Variants in SOX5 observed in about 807,000 individuals in gnomAD.
SOX5 encodes transcription factor SOX-5.
SOX5 carries 9 observed loss-of-function variants against 92.0 expected under a neutral mutation model. The ratio of observed to expected loss-of-function variants is 0.10; its 90% CI spans 0.06 to 0.17. The LOEUF (loss-of-function observed/expected upper bound fraction) is 0.17. Ranked by LOEUF, SOX5 falls within the 10% of genes least tolerant of loss-of-function variation. The pLI, the probability that SOX5 is intolerant of heterozygous loss-of-function variation, is 1.00. For synonymous variants in SOX5, 344 were observed against 336.3 expected, an observed-to-expected ratio of 1.02 and a Z score of -0.25; for missense variants, 642 against 944.5, an observed-to-expected ratio of 0.68 and a Z score of 4.20.
At chr12:23,694,846 C>A (rs1317542360) in intron 6 of SOX5, among the ~76,000 whole-genome samples, 1 of 152,166 alleles carries the variant, frequency 6.6e-6, no homozygotes, top group Non-Finnish European at 1.5e-5. Flanking sequence ...ATACCAGGCA[C>A]AGTGGCTCAT....
At chr12:24,214,177 T>C (rs1308146335) in intron 3 of SOX5, among the ~76,000 whole-genome samples, 1 of 152,040 alleles carries the variant, frequency 6.6e-6, no homozygotes, top group Non-Finnish European at 1.5e-5. Flanking sequence ...GAAGAATAAA[T>C]ACTTCATAAA....
chr12:23,838,039 T>G (rs2096455095), intron 3 of SOX5, among the ~76,000 whole-genome samples: 1 of 116,552 alleles, frequency 8.6e-6, no homozygotes. Flanking sequence ...TTATATATTT[T>G]TATATAATAT....
Position 23,974,325 on chromosome 12 carries a change from A to G in SOX5, c.-1-78301T>C, listed in dbSNP as rs574622787. Among the ~76,000 whole-genome samples, 194 of 152,244 alleles carry G rather than the reference A, an allele frequency of 1.3e-3. 1 individual carries two copies. Among genetic ancestry groups the G allele is most frequent in the African/African-American group, 4.4e-3 (181 of 41,544 alleles). On this transcript the variant is annotated intron_variant, in intron 4 of 4. Transcript: ENST00000446891. Reference sequence around the variant, plus strand: ...GCTATTTTGAATAATGCTGAAATGAACATGGGAGTGTTGATATCTCTTTGA... The same window carrying G: ...GCTATTTTGAATAATGCTGAAATGAGCATGGGAGTGTTGATATCTCTTTGA...
chr12:24,542,786 T>A (rs1044683929), intron 1 of SOX5, among the ~76,000 whole-genome samples: 1 of 152,258 alleles, frequency 6.6e-6, no homozygotes, highest in Non-Finnish European at 1.5e-5. Context: ...ATATTAGTTG[T>A]CACCTTCGTA....
At chr12:24,227,748 C>T (rs1252635820) in intron 3 of SOX5, 3 of 152,126 alleles carry the variant, frequency 2.0e-5, no homozygotes, top group Non-Finnish European at 2.9e-5. Context: ...GTGAGAAAAG[C>T]TTTGCTAAGG....
At chr12:24,475,081 C>A (rs1422757241) in intron 1 of SOX5, among the ~76,000 whole-genome samples, 1 of 152,096 alleles carries the variant, frequency 6.6e-6, no homozygotes, top group Non-Finnish European at 1.5e-5. Flanking sequence ...GAATTCCTGA[C>A]CTCAGCCTCG....
At chr12:24,304,911 G>T (rs533618868) in intron 2 of SOX5, among the ~76,000 whole-genome samples, 1 of 152,032 alleles carries the variant, frequency 6.6e-6, no homozygotes, top group South Asian at 2.1e-4. Context: ...TTCCAATACC[G>T]CTGACTTACT....
chr12:24,361,200 T>A (rs996872270), intron 2 of SOX5, among the ~76,000 whole-genome samples: 11 of 152,192 alleles, frequency 7.2e-5, no homozygotes, highest in African/African-American at 2.7e-4. Flanking sequence ...GGAAATTACA[T>A]GACCATTACA....
chr12:24,272,133 A>G (rs1326705477), intron 3 of SOX5, among the ~76,000 whole-genome samples: 6 of 152,228 alleles, frequency 3.9e-5, no homozygotes, highest in Non-Finnish European at 7.3e-5. Flanking sequence ...GGTATATCTC[A>G]TCATTCATAT....
At chr12:24,012,778 G>A (rs1953100656) in intron 4 of SOX5, among the ~76,000 whole-genome samples, 1 of 152,148 alleles carries the variant, frequency 6.6e-6, no homozygotes, top group Admixed American at 6.6e-5. Context: ...TACATCCTAA[G>A]AGGTTGATAC....
intron 7 of SOX5, among the ~76,000 whole-genome samples, chr12:23,656,519 C>T (rs143302452): frequency 1.3e-5 from 2 of 151,940 alleles, no homozygotes; most frequent in South Asian, 4.1e-4. Flanking sequence ...AGTGGGGAAA[C>T]CAAATAAAAT....
At chr12:24,101,978 A>T (rs879687010) in intron 4 of SOX5, among the ~76,000 whole-genome samples, 8 of 152,306 alleles carry the variant, frequency 5.3e-5, no homozygotes, top group Middle Eastern at 3.4e-3. Flanking sequence ...TCTCTGCAGC[A>T]AAGGATTTCC....
intron 2 of SOX5, among the ~76,000 whole-genome samples, chr12:23,850,213 G>A (rs531691264): frequency 3.7e-4 from 57 of 152,084 alleles, no homozygotes; most frequent in African/African-American, 1.2e-3. Context: ...GGCAGATCAC[G>A]AGGTCAAGAG....
chr12:24,192,546 A>G lies in SOX5; in HGVS notation c.-2+20797T>C, dbSNP rs186575468. Among the ~76,000 whole-genome samples the G allele has an allele frequency of 1.7e-3, 256 of 152,368 alleles. 2 individuals carry two copies. The highest frequency in any genetic ancestry group is 3.0e-3 in the Non-Finnish European group (205 of 68,040). On this transcript the variant is annotated intron_variant, in intron 4 of 4. Coordinates refer to the SOX5 transcript ENST00000446891. ...TTTCTGTAGATTACAATAAATGATCATGAATGAAATATCGAATTCAAAACC... is the reference window on the plus strand; with the variant it reads ...TTTCTGTAGATTACAATAAATGATCGTGAATGAAATATCGAATTCAAAACC...
At chr12:24,107,100 T>G (rs1185059911) in intron 4 of SOX5, among the ~76,000 whole-genome samples, 1 of 152,106 alleles carries the variant, frequency 6.6e-6, no homozygotes, top group South Asian at 2.1e-4. Flanking sequence ...GCACTGTGCC[T>G]AAATCTGTTA....
At chr12:24,160,649 G>A (rs897780423) in intron 4 of SOX5, among the ~76,000 whole-genome samples, 4 of 151,914 alleles carry the variant, frequency 2.6e-5, no homozygotes, top group Non-Finnish European at 5.9e-5. Flanking sequence ...ACATAGAAAG[G>A]GAAGAAAGGT....
intron 11 of SOX5, among the ~76,000 whole-genome samples, chr12:23,550,998 C>T (rs768155254): frequency 7.0e-4 from 106 of 152,026 alleles, no homozygotes; most frequent in East Asian, 2.1e-3. Context: ...TGATGAGCTT[C>T]GCTCTCCACC....
intron 1 of SOX5, among the ~76,000 whole-genome samples, 192 bp downstream of exon 1, chr12:23,949,372 G>A (rs540332357): frequency 2.0e-5 from 3 of 152,116 alleles, no homozygotes; most frequent in East Asian, 1.9e-4. Context: ...CAGAAATCTC[G>A]GAGACTTTGC....
chr12:23,724,604 G>A (rs528228678), intron 6 of SOX5, among the ~76,000 whole-genome samples: 3 of 152,172 alleles, frequency 2.0e-5, no homozygotes, highest in South Asian at 2.1e-4. Flanking sequence ...TTTAAGACAG[G>A]AGATTTATGT....
Sources: gnomAD v4.1 joint callset for allele counts (sites outside exome capture counted in the v4.1 genomes callset) on GRCh38, gnomAD v4.1.1 for gene constraint, MANE v1.5 for transcripts, NCBI Gene and HGNC (gene_info 2026-07-23, HGNC 2026-07-21) for gene names.